Variants in LGI4 observed in about 807,000 individuals in gnomAD.
The protein encoded by LGI4 is leucine rich repeat LGI family member 4.
A neutral mutation model predicts 48.3 loss-of-function variants in LGI4; 36 were observed. The observed-to-expected ratio is 0.75, with a 90% CI of 0.57 to 0.98. The LOEUF (loss-of-function observed/expected upper bound fraction) is 0.98, where lower values mean the gene tolerates loss of function less well. Ranked by LOEUF, LGI4 falls within the 50% of genes least tolerant of loss-of-function variation. LGI4 has a pLI of 0.00. For synonymous variants in LGI4, 355 were observed against 331.6 expected, an observed-to-expected ratio of 1.07 and a Z score of -0.77; for missense variants, 701 against 732.1, an observed-to-expected ratio of 0.96 and a Z score of 0.49.
rs749530074 is a variant in LGI4 at position 35,125,309 on chromosome 19, C to G, written c.1498G>C (p.Val500Leu). 107 of 1,611,454 alleles carry G rather than the reference C, an allele frequency of 6.6e-5. 1 individual carries two copies. The South Asian group carries it at 1.2e-3, about 17-fold the overall frequency. The part of the protein sequence containing the change: ...PLQELGPPAL[V>L]APRAFAHITM... ...ATGTGGGCAAAGGCACGGGGGGCCA[C>G]CAGGGCCGGAGGCCCCAGCTCCTGC... Residue 500 changes from valine (V) to leucine (L), a missense_variant, in exon 9 of 9, where the codon GTG becomes CTG. Physicochemically the swap from Val to Leu is conservative, Grantham distance 32 (BLOSUM62 1). Coordinates refer to ENST00000310123, the MANE Select transcript of LGI4 (RefSeq NM_139284.3).
intron 6 of LGI4, among the ~76,000 whole-genome samples, chr19:35,128,867 C>A (rs2065157202): frequency 6.6e-6 from 1 of 152,202 alleles, no homozygotes; most frequent in South Asian, 2.1e-4. Context: ...ACAGGGCACA[C>A]TGTATGCTGC....
At chr19:35,131,112 A>G (rs1270236951) in intron 6 of LGI4, 1 of 597,264 alleles carries the variant, frequency 1.7e-6, no homozygotes, top group Non-Finnish European at 3.0e-6. Flanking sequence ...TTATGTTAAC[A>G]AGGGTGAACG....
At chr19:35,129,655 G>C (rs918390770) in intron 6 of LGI4, among the ~76,000 whole-genome samples, 3 of 152,170 alleles carry the variant, frequency 2.0e-5, no homozygotes, top group African/African-American at 4.8e-5. Flanking sequence ...GTGGAAGGCC[G>C]CAGGGACCTC....
chr19:35,133,310 A>G (rs2065187719), intron 3 of LGI4: 6 of 1,090,612 alleles, frequency 5.5e-6, no homozygotes, highest in Non-Finnish European at 6.7e-6. Context: ...CAGTATCACC[A>G]CCACTACCTA....
intron 6 of LGI4, among the ~76,000 whole-genome samples, chr19:35,130,139 C>T (rs1189640941): frequency 6.6e-6 from 1 of 152,132 alleles, no homozygotes; most frequent in Non-Finnish European, 1.5e-5. Flanking sequence ...TGCCACATCC[C>T]CCTCGCTGAG....
intron 6 of LGI4, 189 bp downstream of exon 6, chr19:35,131,197 C>T (rs933303743): frequency 5.6e-6 from 4 of 718,448 alleles, no homozygotes; most frequent in Non-Finnish European, 7.3e-6. Context: ...ATTCCCATGG[C>T]ACTCCTATAT....
Position 35,126,356 on chromosome 19 carries a change from C to T in LGI4, c.1213G>A (p.Glu405Lys). 2 of 1,611,636 alleles carry T rather than the reference C, an allele frequency of 1.2e-6. No homozygotes were observed. Among genetic ancestry groups the T allele is most frequent in the South Asian group, 1.1e-5 (1 of 90,474 alleles). ...CGTGTGGCATAGACATCCTCGGCCT[C>T]GGGGATGTCTGTGCGTCTCTCGAAG... ...GRFERRTDIP[E>K]AEDVYATRHF... Residue 405 changes from glutamate (E) to lysine (K), a missense_variant, in exon 8 of 9, where the codon GAG (glutamate) becomes AAG (lysine). Transcript: ENST00000310123.
Position 35,133,764 on chromosome 19 carries a change from G to C in LGI4, c.243C>G (p.Leu81=), listed in dbSNP as rs1306029862. 3.7e-6 allele frequency: 6 copies of C among 1,605,708 alleles called. No homozygotes were observed. The highest frequency in any genetic ancestry group is 5.1e-6 in the Non-Finnish European group (6 of 1,176,558). The change falls in exon 3 of 9, where the codon CTC becomes CTG. Residue 81 remains leucine, a splice_region_variant and synonymous_variant. Transcript: ENST00000310123. ...CGGAGAAGGAGTTGGAGGTGAAGAG[G>C]CTGGCAAGGGGGCAAGAAAGAAATT... The part of the protein sequence containing the change: ...SFLRIPSLHL[L]LFTSNSFSVI...
chr19:35,133,471 T>A, intron 3 of LGI4: 6 of 1,389,554 alleles, frequency 4.3e-6, no homozygotes, highest in Non-Finnish European at 5.6e-6. Flanking sequence ...GAGGTGATAA[T>A]CAACACTGAT....
At chr19:35,131,049 A>G in intron 6 of LGI4, 1 of 584,136 alleles carries the variant, frequency 1.7e-6, no homozygotes, top group Non-Finnish European at 3.0e-6. Flanking sequence ...TTGCACCTGC[A>G]GTTCTTAGCG....
At chr19:35,131,944 G>A in intron 4 of LGI4, 27 bp downstream of exon 4, 1 of 1,579,820 alleles carries the variant, frequency 6.3e-7, no homozygotes, top group Non-Finnish European at 8.6e-7. Context: ...GCCTCTCATG[G>A]AGGGCTGGGG....
At position 35,131,417 on chromosome 19, in the gene LGI4, G is replaced by T; in HGVS notation, c.597C>A (p.Leu199=). The change falls in exon 6 of 9, where the codon CTC becomes CTA. Residue 199 remains leucine (L), a synonymous_variant. Coordinates refer to ENST00000310123, the MANE Select transcript of LGI4 (RefSeq NM_139284.3). ...CTCTGCACTTGAAAGTCTTGGGGTCGAGGTGGTGGAGCTGCATGTGGCTCA... is the reference window on the plus strand; with the variant it reads ...CTCTGCACTTGAAAGTCTTGGGGTCTAGGTGGTGGAGCTGCATGTGGCTCA... ...ASLSHMQLHH[L]DPKTFKCRAI... 6.4e-7 allele frequency: 1 copy of T among 1,552,066 alleles called. No homozygotes were observed. Among genetic ancestry groups the T allele is most frequent in the Non-Finnish European group, 8.7e-7 (1 of 1,147,054 alleles).
intron 3 of LGI4, chr19:35,133,351 G>A (rs2065187975): frequency 7.1e-6 from 8 of 1,126,554 alleles, no homozygotes; most frequent in African/African-American, 1.7e-5. Flanking sequence ...CATTTGAAAC[G>A]TTTCTTGTCT....
Position 35,125,353 on chromosome 19 carries a change from T to G in LGI4, c.1454A>C (p.Lys485Thr), listed in dbSNP as rs764087493. Residue 485 changes from lysine (K) to threonine (T), a missense_variant, in exon 9 of 9, where the codon AAG becomes ACG. Lys to Thr is a moderately conservative substitution (Grantham distance 78). This residue lies in a region of LGI4 where 223 missense variants were observed against 263.3 expected (regional missense o/e 0.85). Coordinates refer to ENST00000310123, the MANE Select transcript of LGI4 (RefSeq NM_139284.3). ...FSQVLRLEPD[K>T]GLLEPLQELG... The stretch of plus-strand genomic sequence containing the variant: ...CTCCTGCAGTGGCTCCAGGAGCCCC[T>G]TGTCAGGCTCAAGGCGGAGGACCTG... 3 of 1,613,290 alleles carry G rather than the reference T, an allele frequency of 1.9e-6. No homozygotes were observed. Among genetic ancestry groups the G allele is most frequent in the Non-Finnish European group, 2.5e-6 (3 of 1,179,550 alleles).
intron 3 of LGI4, 33 bp downstream of exon 3, chr19:35,133,660 A>G: frequency 1.3e-6 from 2 of 1,567,692 alleles, no homozygotes; most frequent in East Asian, 4.7e-5. Context: ...CCTTGCCCAG[A>G]CCCACCTGCC....
Position 35,131,465 on chromosome 19 carries a change from G to T in LGI4, c.549C>A (p.Gly183=), listed in dbSNP as rs544303508. The T allele has an allele frequency of 1.9e-6, 3 of 1,551,564 alleles. No homozygotes were observed. The highest frequency in any genetic ancestry group is 2.6e-6 in the Non-Finnish European group (3 of 1,147,090). ...MPTVNASVGT[G]ACAGPASLSH... is the part of the protein sequence containing the mutation. ...TCAGGGAGGCGGGGCCCGCACAGGC[G>T]CCGGTCCCCACGCTGGCATTCACGG... The change falls in exon 6 of 9, where the codon GGC becomes GGA. Residue 183 remains glycine (G), a synonymous_variant. Coordinates refer to ENST00000310123, the MANE Select transcript of LGI4 (RefSeq NM_139284.3).
intron 6 of LGI4, among the ~76,000 whole-genome samples, chr19:35,127,594 G>T (rs1458419520): frequency 2.0e-5 from 3 of 151,850 alleles, no homozygotes; most frequent in Non-Finnish European, 4.4e-5. Context: ...CACCATGTTG[G>T]CCAGGCTTGT....
chr19:35,126,382 C>T lies in LGI4; in HGVS notation c.1187G>A (p.Arg396His), dbSNP rs1223374311. The T allele has an allele frequency of 1.2e-6, 2 of 1,610,874 alleles. No homozygotes were observed. The highest frequency in any genetic ancestry group is 1.7e-5 in the Admixed American group (1 of 59,804). Residue 396 changes from arginine to histidine, a missense_variant, in exon 8 of 9, where the codon CGC becomes CAC. Physicochemically the swap from Arg to His is conservative, Grantham distance 29 (BLOSUM62 0). Around this residue, in one of 3 missense-constraint regions of LGI4, gnomAD observed 223 missense variants for 263.3 expected, o/e 0.85. Coordinates refer to ENST00000310123, the MANE Select transcript of LGI4 (RefSeq NM_139284.3). ...GGGGATGTCTGTGCGTCTCTCGAAGCGGCCACCGGTCCAGTGGAAGAGCAC... is the reference window on the plus strand; with the variant it reads ...GGGGATGTCTGTGCGTCTCTCGAAGTGGCCACCGGTCCAGTGGAAGAGCAC... Reference protein sequence around the residue: ...RPVLFHWTGGRFERRTDIPEA... With the variant: ...RPVLFHWTGGHFERRTDIPEA...
chr19:35,133,555 T>G (rs2065189310), intron 3 of LGI4, 138 bp downstream of exon 3: 13 of 1,477,664 alleles, frequency 8.8e-6, no homozygotes, highest in Non-Finnish European at 1.2e-5. Flanking sequence ...GTTCGCCATT[T>G]TTATCAACAC....
Sources: gnomAD v4.1 joint callset for allele counts (sites outside exome capture counted in the v4.1 genomes callset) on GRCh38, gnomAD v4.1.1 for gene constraint, gnomAD v4.1.1 regional missense constraint, MANE v1.5 for transcripts, NCBI Gene and HGNC (gene_info 2026-07-23, HGNC 2026-07-21) for gene names.